Variants in RCC1L observed in about 807,000 individuals in gnomAD.
The protein encoded by RCC1L is RCC1 like.
A neutral mutation model predicts 58.6 loss-of-function variants in RCC1L; 46 were observed. The observed-to-expected ratio is 0.79, with a 90% CI of 0.62 to 1.00. The LOEUF (loss-of-function observed/expected upper bound fraction) is 1.00. Ranked by LOEUF, RCC1L falls within the 50% of genes least tolerant of loss-of-function variation. The pLI is 0.00. For synonymous variants in RCC1L, 281 were observed against 262.9 expected, an observed-to-expected ratio of 1.07 and a Z score of -0.67; for missense variants, 636 against 623.6, an observed-to-expected ratio of 1.02 and a Z score of -0.21.
chr7:75,046,396 G>A (rs1342563531), intron 10 of RCC1L, among the ~76,000 whole-genome samples: 3 of 152,172 alleles, frequency 2.0e-5, no homozygotes, highest in African/African-American at 7.2e-5. Context: ...GGGACAGTGC[G>A]CTTCCTCACG....
intron 10 of RCC1L, among the ~76,000 whole-genome samples, chr7:75,032,087 ACT>A (rs1274579913): frequency 2.6e-5 from 4 of 152,182 alleles, no homozygotes; most frequent in Admixed American, 6.6e-5. Context: ...ATACGGCCCA[ACT>A]CTGATTTGAC....
chr7:75,043,836 T>C (rs1164860050), intron 10 of RCC1L, among the ~76,000 whole-genome samples: 1 of 152,116 alleles, frequency 6.6e-6, no homozygotes, highest in African/African-American at 2.4e-5. Context: ...CCAGAAACCC[T>C]GTCTCTTGCC....
intron 10 of RCC1L, among the ~76,000 whole-genome samples, chr7:75,028,637 C>T (rs1161984415): frequency 2.0e-5 from 3 of 152,144 alleles, no homozygotes; most frequent in African/African-American, 7.2e-5. Flanking sequence ...AGTTCTGCCT[C>T]GTCGTGGGGC....
chr7:75,060,951 G>C (rs1190884172), intron 6 of RCC1L, among the ~76,000 whole-genome samples: 1 of 152,088 alleles, frequency 6.6e-6, no homozygotes, highest in Non-Finnish European at 1.5e-5. Context: ...GCTCACACCT[G>C]TTGTCCCAGC....
intron 3 of RCC1L, among the ~76,000 whole-genome samples, chr7:75,065,089 G>A (rs1372805416): frequency 2.6e-5 from 4 of 151,968 alleles, no homozygotes; most frequent in African/African-American, 9.7e-5. Context: ...CCTCTGCCCA[G>A]CCGCTGTGCA....
At chr7:75,043,234 A>T in intron 10 of RCC1L, 125 bp from the exon 11 acceptor site, 1 of 1,103,926 alleles carries the variant, frequency 9.1e-7, no homozygotes, top group Non-Finnish European at 1.4e-6. Flanking sequence ...TTGTCTCAGC[A>T]GGAGACAGCT....
At chr7:75,053,411 G>A (rs1805981672) in intron 9 of RCC1L, among the ~76,000 whole-genome samples, 3 of 152,154 alleles carry the variant, frequency 2.0e-5, no homozygotes, top group Non-Finnish European at 4.4e-5. Context: ...TGGGCTTCCT[G>A]ATTTGACAGT....
downstream of RCC1L, among the ~76,000 whole-genome samples, chr7:75,037,804 T>C (rs1473587171): frequency 2.6e-5 from 4 of 152,148 alleles, no homozygotes; most frequent in Admixed American, 6.5e-5. Context: ...CCACCACACC[T>C]GGCCATGGTT....
intron 9 of RCC1L, among the ~76,000 whole-genome samples, chr7:75,055,406 C>T (rs782225725): frequency 7.7e-4 from 118 of 152,260 alleles, no homozygotes; most frequent in Non-Finnish European, 1.1e-3. Flanking sequence ...TTCTCTACCC[C>T]GGCACTTTGG....
intron 10 of RCC1L, among the ~76,000 whole-genome samples, chr7:75,036,625 A>C (rs1429759519): frequency 1.3e-5 from 2 of 151,888 alleles, no homozygotes; most frequent in Non-Finnish European, 2.9e-5. Context: ...CAGGTGCGGT[A>C]GCTCACGCCT....
At chr7:75,031,374 C>T (rs987324400) in intron 10 of RCC1L, among the ~76,000 whole-genome samples, 5 of 152,196 alleles carry the variant, frequency 3.3e-5, no homozygotes, top group African/African-American at 4.8e-5. Context: ...TCCCTACCCC[C>T]CCGGGGCCCT....
chr7:75,061,055 T>G, intron 6 of RCC1L, 152 bp downstream of exon 6: 1 of 749,776 alleles, frequency 1.3e-6, no homozygotes, highest in Non-Finnish European at 2.4e-6. Context: ...GCTTGGGCGA[T>G]GGAGCCAAGA....
chr7:75,027,571 C>G (rs1805171451), exon 11 of RCC1L: 1 of 168,654 alleles, frequency 5.9e-6, no homozygotes, highest in African/African-American at 2.4e-5. Context: ...CCTGGGGCTG[C>G]TCCTGGGGAC....
At chr7:75,031,223 C>A (rs1805294042) in intron 10 of RCC1L, among the ~76,000 whole-genome samples, 1 of 152,072 alleles carries the variant, frequency 6.6e-6, no homozygotes, top group Non-Finnish European at 1.5e-5. Context: ...CTGCCCAGAG[C>A]CCCCACCATC....
chr7:75,066,108 A>G (rs1806469646), intron 3 of RCC1L, among the ~76,000 whole-genome samples: 1 of 152,068 alleles, frequency 6.6e-6, no homozygotes, highest in Non-Finnish European at 1.5e-5. Context: ...GTGCAGTTAC[A>G]TTTATAAATA....
At chr7:75,028,664 A>G (rs1805212745) in intron 10 of RCC1L, among the ~76,000 whole-genome samples, 1 of 151,992 alleles carries the variant, frequency 6.6e-6, no homozygotes, top group African/African-American at 2.4e-5. Context: ...GGTTCCCAAG[A>G]CACCCCTTCC....
At chr7:75,052,824 T>C in intron 9 of RCC1L, 28 bp from the exon 10 acceptor site, 5 of 1,601,698 alleles carry the variant, frequency 3.1e-6, no homozygotes, top group Non-Finnish European at 4.3e-6. Context: ...CAGGGGTTGG[T>C]TGGGACTGTG....
intron 3 of RCC1L, among the ~76,000 whole-genome samples, chr7:75,065,627 TA>T (rs1479770695): frequency 1.3e-5 from 2 of 152,106 alleles, no homozygotes; most frequent in Admixed American, 6.6e-5. Flanking sequence ...ACCCCGTTTC[TA>T]AAAAGAGGCC....
At chr7:75,066,440 C>T (rs961037749) in intron 3 of RCC1L, among the ~76,000 whole-genome samples, 11 of 151,964 alleles carry the variant, frequency 7.2e-5, no homozygotes, top group Non-Finnish European at 1.5e-4. Flanking sequence ...GGCGACAGAG[C>T]GAGACTTCAT....
Sources: gnomAD v4.1 joint callset for allele counts (sites outside exome capture counted in the v4.1 genomes callset) on GRCh38, gnomAD v4.1.1 for gene constraint, MANE v1.5 for transcripts, NCBI Gene and HGNC (gene_info 2026-07-23, HGNC 2026-07-21) for gene names.